Variants in ACACB observed in about 807,000 individuals in gnomAD.
The protein encoded by ACACB is acetyl-CoA carboxylase beta.
In ACACB, 209 loss-of-function variants were observed where a neutral mutation model predicts 278.8. The observed-to-expected ratio is 0.75, with a 90% CI of 0.67 to 0.84. The LOEUF is 0.84. ACACB is among the 40% of genes least tolerant of loss of function. The pLI is 0.00. For synonymous variants in ACACB, 1,174 were observed against 1,285.6 expected (o/e 0.91, Z 1.86); for missense variants, 2,850 against 3,269.0 (o/e 0.87, Z 3.13).
chr12:109,197,785 G>C (rs537144908), intron 17 of ACACB, among the ~76,000 whole-genome samples: 84 of 152,306 alleles, frequency 5.5e-4, no homozygotes, highest in Non-Finnish European at 9.7e-4. Context: ...GGTGATGAAA[G>C]GGGAGGGGAT....
chr12:109,227,803 C>A (rs190549719), intron 28 of ACACB, among the ~76,000 whole-genome samples: 1 of 152,162 alleles, frequency 6.6e-6, no homozygotes, highest in African/African-American at 2.4e-5. Flanking sequence ...GGGGCCGAGG[C>A]GGGCAGATCA....
chr12:109,255,263 C>T (rs1001273147), intron 44 of ACACB, among the ~76,000 whole-genome samples: 1 of 152,182 alleles, frequency 6.6e-6, no homozygotes, highest in African/African-American at 2.4e-5. Context: ...GAGCTGCTCC[C>T]GTCACTATAT....
Position 109,174,324 on chromosome 12 carries a change from C to A in ACACB, c.1216+94C>A, listed in dbSNP as rs944846245. ...TGACAGAAGTATGCTTGTAACAATT[C>A]TTTCCATTACAAATGTTACTTACTT... is the stretch of plus-strand genomic sequence containing the variant. On this transcript the variant is annotated intron_variant, in intron 7 of 52. Coordinates refer to ENST00000338432, the MANE Select transcript of ACACB (RefSeq NM_001093.4). 7 of 909,006 alleles carry A rather than the reference C, an allele frequency of 7.7e-6. No individual in the cohort carries two copies. The Admixed American group carries it at 1.1e-4, about 14-fold the overall frequency. 56.3% of individuals were successfully genotyped at this position (909,006 alleles called of 1,614,324 possible).
At chr12:109,166,740 T>A in intron 2 of ACACB, 121 bp from the exon 3 acceptor site, 1 of 1,220,166 alleles carries the variant, frequency 8.2e-7, no homozygotes, top group Non-Finnish European at 1.1e-6. Context: ...GGAGAGCAAG[T>A]GCAAAGCAGG....
At chr12:109,199,283 G>T in intron 17 of ACACB, 119 bp from the exon 18 acceptor site, 1 of 848,242 alleles carries the variant, frequency 1.2e-6, no homozygotes, top group East Asian at 3.0e-5. Context: ...GCCACCCTTT[G>T]GGAATGTAGA....
chr12:109,162,090 C>T (rs761764689), intron 2 of ACACB, among the ~76,000 whole-genome samples: 10 of 151,852 alleles, frequency 6.6e-5, no homozygotes, highest in Non-Finnish European at 1.3e-4. Flanking sequence ...GATTTTTGTG[C>T]CTCAGCCTCC....
intron 12 of ACACB, 71 bp from the exon 13 acceptor site, chr12:109,187,928 G>C: frequency 1.3e-6 from 2 of 1,536,244 alleles, no homozygotes; most frequent in Non-Finnish European, 1.8e-6. Context: ...GTTTTCCCAG[G>C]ACTGAATTCT....
intron 26 of ACACB, among the ~76,000 whole-genome samples, chr12:109,223,186 T>C (rs1336280480): frequency 6.6e-6 from 1 of 152,152 alleles, no homozygotes; most frequent in East Asian, 1.9e-4. Flanking sequence ...CTCAGCCATA[T>C]GGAGCATATC....
rs192428757 is a variant in ACACB at position 109,217,301 on chromosome 12, A to C, written c.3564+381A>C. On this transcript the variant is annotated intron_variant, in intron 24 of 52. Coordinates refer to ENST00000338432, the MANE Select transcript of ACACB (RefSeq NM_001093.4). ...TGTCTCAAAAAATAAATAAAAGAAA[A>C]AGTAAGCCAGCAAGTAAATTTTTTA... 1.4e-3 allele frequency among the ~76,000 whole-genome samples: 214 copies of C among 151,978 alleles called. 1 individual carries two copies. The highest frequency in any genetic ancestry group is 5.1e-3 in the African/African-American group (210 of 41,444).
At chr12:109,148,879 A>C (rs1305044451) in intron 2 of ACACB, among the ~76,000 whole-genome samples, 1 of 152,192 alleles carries the variant, frequency 6.6e-6, no homozygotes, top group African/African-American at 2.4e-5. Context: ...TAATCATTTT[A>C]TGTGGTATGA....
At chr12:109,248,679 G>A (rs780474982) in intron 40 of ACACB, among the ~76,000 whole-genome samples, 2 of 152,186 alleles carry the variant, frequency 1.3e-5, no homozygotes, top group African/African-American at 2.4e-5. Flanking sequence ...TGGATGACTG[G>A]ATGGTGCGCA....
chr12:109,182,031 G>A (rs2044495860), intron 11 of ACACB, among the ~76,000 whole-genome samples: 1 of 151,736 alleles, frequency 6.6e-6, no homozygotes, highest in Non-Finnish European at 1.5e-5. Context: ...ATTTAGTAGA[G>A]ATGGGGTTTC....
chr12:109,264,106 C>T, intron 49 of ACACB, 126 bp from the exon 50 acceptor site: 1 of 1,143,758 alleles, frequency 8.7e-7, no homozygotes, highest in Non-Finnish European at 1.3e-6. Context: ...AAGCTCAGAC[C>T]TCTCACAAGG....
rs146522367 is a variant in ACACB, at chr12:109,140,300, T to A, written c.653+242T>A. Among the ~76,000 whole-genome samples the A allele has an allele frequency of 3.5e-4, 43 of 121,380 alleles. 2 individuals carry two copies. Among genetic ancestry groups the A allele is most frequent in the African/African-American group, 1.2e-3 (35 of 29,374 alleles). 79.6% of individuals were successfully genotyped at this position (121,380 alleles called of 152,430 possible). A position where few individuals can be genotyped will look rare whatever the true frequency, so the allele number is the denominator to read the frequency against. ...CTTCCTTCCTTCCTTCCTTCCTTCC[T>A]TCCTTCCTTCCTTCCTTCCTTCCTT... On this transcript the variant is annotated intron_variant, in intron 2 of 52. Coordinates refer to ENST00000338432, the MANE Select transcript of ACACB (RefSeq NM_001093.4).
intron 7 of ACACB, among the ~76,000 whole-genome samples, chr12:109,174,739 G>A (rs918497701): frequency 3.3e-5 from 5 of 151,882 alleles, no homozygotes; most frequent in African/African-American, 9.7e-5. Flanking sequence ...TTATGGTGGT[G>A]CATACCTGTA....
chr12:109,209,483 G>A, intron 21 of ACACB, 130 bp downstream of exon 21: 1 of 918,304 alleles, frequency 1.1e-6, no homozygotes, highest in Non-Finnish European at 1.6e-6. Flanking sequence ...ACATATCAGG[G>A]GCCGAGGGTT....
chr12:109,157,334 C>A (rs1369570460), intron 2 of ACACB, among the ~76,000 whole-genome samples: 1 of 150,946 alleles, frequency 6.6e-6, no homozygotes, highest in Non-Finnish European at 1.5e-5. Context: ...CAGACAGTGG[C>A]ATGATCATGG....
chr12:109,259,196 T>C (rs1302756501), intron 47 of ACACB, 88 bp downstream of exon 47: 1 of 1,460,344 alleles, frequency 6.8e-7, no homozygotes, highest in Non-Finnish European at 9.3e-7. Context: ...AATGTCCTAG[T>C]CTGTGCCCAT....
At chr12:109,126,665 CAGAG>C (rs2042686903) in intron 1 of ACACB, among the ~76,000 whole-genome samples, 1 of 151,806 alleles carries the variant, frequency 6.6e-6, no homozygotes, top group Non-Finnish European at 1.5e-5. Flanking sequence ...GCCTGGGTGA[CAGAG>C]AGAGACCTTG....
Sources: allele counts gnomAD v4.1 joint callset (sites outside exome capture counted in the v4.1 genomes callset), GRCh38; gene constraint gnomAD v4.1.1; transcripts MANE v1.5; gene names NCBI Gene and HGNC (gene_info 2026-07-23, HGNC 2026-07-21).